HEXIM2: variants seen among roughly 807,000 people sequenced by gnomAD.
HEXIM2 encodes the protein protein HEXIM2.
For missense variants in HEXIM2, 413 were observed against 390.8 expected (o/e 1.06, Z -0.48); for synonymous variants, 159 against 162.7 (o/e 0.98, Z 0.17).
intron 3 of HEXIM2, among the ~76,000 whole-genome samples, chr17:45,166,542 T>C (rs1341662765): frequency 6.6e-6 from 1 of 152,186 alleles, no homozygotes; most frequent in Non-Finnish European, 1.5e-5. Flanking sequence ...AGTGGTGACT[T>C]GGACAGACAG....
Position 45,163,804 on chromosome 17 carries a change from A to C in HEXIM2, c.66+945A>C, listed in dbSNP as rs550106021. 1.1e-4 allele frequency among the ~76,000 whole-genome samples: 16 copies of C among 151,892 alleles called. No homozygotes were observed. In the South Asian group the frequency reaches 3.3e-3, roughly 32 times the overall value. ...GCAGAGGTTGCAGTGAGCTGAGATC[A>C]CACCACTGCACTTTAGCCTGGGCGA... is the stretch of plus-strand genomic sequence containing the variant. On this transcript the variant is annotated intron_variant, in intron 3 of 3. Transcript: ENST00000589230.
chr17:45,164,352 G>A (rs954277458), intron 3 of HEXIM2, among the ~76,000 whole-genome samples: 2 of 152,218 alleles, frequency 1.3e-5, no homozygotes, highest in African/African-American at 4.8e-5. Context: ...CTAGTTGGGA[G>A]GCTGAGGCAG....
Position 45,161,910 on chromosome 17 carries a change from T to G in HEXIM2, c.-314T>G. 1.0e-6 allele frequency: 1 copy of G among 985,570 alleles called. No individual in the cohort carries two copies. Among genetic ancestry groups the G allele is most frequent in the Non-Finnish European group, 1.2e-6 (1 of 830,062 alleles). The allele number at this position is 985,570 out of a possible 1,614,324, so 61.1% of individuals were successfully genotyped here. On this transcript the variant is annotated 5_prime_UTR_variant, in exon 1 of 4. Transcript: ENST00000589230. ...CCCCATCTTAGTGGCCTGAGCGGCT[T>G]GACCAGAGCTGCTGCAACTGCAGCA...
At position 45,169,387 on chromosome 17, in the gene HEXIM2, C is replaced by T. The variant is rs764558003; in HGVS notation, c.439C>T (p.Leu147=). 1.2e-6 allele frequency: 2 copies of T among 1,613,984 alleles called. No individual in the cohort carries two copies. The highest frequency in any genetic ancestry group is 2.2e-5 in the East Asian group (1 of 44,868). The change falls in exon 4 of 4, where the codon CTG becomes TTG. Residue 147 remains leucine, a synonymous_variant. Coordinates refer to ENST00000589230, the MANE Select transcript of HEXIM2 (RefSeq NM_001303441.2). ...GGCCCCCTACAACACCACCCAGTTC[C>T]TGATGAATGACAGGGACCCGGAGGA... ...PVAPYNTTQF[L]MNDRDPEEPN...
At chr17:45,161,502 G>GAT, upstream of HEXIM2, 4 of 160,378 alleles carry the variant, frequency 2.5e-5, no homozygotes, top group Admixed American at 1.2e-4. Flanking sequence ...AGCCCAAAAT[G>GAT]GCGGCGATGG....
chr17:45,164,451 T>A (rs928955141), intron 3 of HEXIM2, among the ~76,000 whole-genome samples: 1 of 150,530 alleles, frequency 6.6e-6, no homozygotes, highest in African/African-American at 2.5e-5. Context: ...CGAGACTCCG[T>A]CTCAAAAAAA....
In HEXIM2 at chr17:45,162,811, CCAGA is replaced by C. The variant is rs771809889; in HGVS notation, c.20_23del (p.Gln7ProfsTer38). 21 of 1,613,810 alleles carry C rather than the reference CCAGA, an allele frequency of 1.3e-5. No individual in the cohort carries two copies. Among genetic ancestry groups the C allele is most frequent in the Non-Finnish European group, 1.8e-5 (21 of 1,180,010 alleles). ...AACAGAAGATGATGGCCACTCCGAA[CCAGA>C]CCGCCTGTAATGCAGAGTCACCAGT... On this transcript the variant is annotated frameshift_variant, in exon 3 of 4. Transcript: ENST00000589230. LOFTEE classifies it low-confidence loss of function (END_TRUNC).
intron 3 of HEXIM2, among the ~76,000 whole-genome samples, chr17:45,165,277 C>T (rs1281065710): frequency 6.6e-6 from 1 of 152,116 alleles, no homozygotes; most frequent in Non-Finnish European, 1.5e-5. Context: ...CGTACACACC[C>T]CACACACATA....
In HEXIM2 at chr17:45,169,620, G is replaced by A. The variant is rs1436990227; in HGVS notation, c.672G>A (p.Leu224=). The A allele has an allele frequency of 3.3e-6, 5 of 1,536,722 alleles. No individual in the cohort carries two copies. The highest frequency in any genetic ancestry group is 1.4e-5 in the African/African-American group (1 of 72,422). The change falls in exon 4 of 4, where the codon CTG becomes CTA. Residue 224 remains leucine (L), a synonymous_variant. Coordinates refer to ENST00000589230, the MANE Select transcript of HEXIM2 (RefSeq NM_001303441.2). The part of the protein sequence containing the change: ...VRDYLELEKR[L]SQAEEETRRL... ...ACTACCTGGAGCTGGAGAAGCGGCT[G>A]TCGCAGGCGGAGGAGGAGACTAGGA...
At chr17:45,160,777 A>C, upstream of HEXIM2, 1 of 525,950 alleles carries the variant, frequency 1.9e-6, no homozygotes, top group East Asian at 6.9e-5. Context: ...AATGGGAGAG[A>C]TCTTGAGGGC....
upstream of HEXIM2, chr17:45,160,830 C>A: frequency 3.8e-6 from 4 of 1,060,730 alleles, no homozygotes; most frequent in Non-Finnish European, 5.1e-6. Flanking sequence ...GTGAAGGTTT[C>A]CAAGTGCCCC....
intron 1 of HEXIM2, among the ~76,000 whole-genome samples, 181 bp downstream of exon 1, chr17:45,162,212 T>A (rs151238299): frequency 1.3e-3 from 204 of 152,262 alleles, no homozygotes; most frequent in African/African-American, 4.7e-3. Context: ...AGAGGAAAAG[T>A]CCTCAGCACT....
chr17:45,162,644 G>A lies in HEXIM2; in HGVS notation c.-45+9G>A. The A allele has an allele frequency of 6.6e-7, 1 of 1,524,292 alleles. No homozygotes were observed. The highest frequency in any genetic ancestry group is 8.8e-7 in the Non-Finnish European group (1 of 1,141,644). 94.4% of individuals were successfully genotyped at this position (1,524,292 alleles called of 1,614,324 possible). On this transcript the variant is annotated intron_variant, in intron 2 of 3. Coordinates refer to ENST00000589230, the MANE Select transcript of HEXIM2 (RefSeq NM_001303441.2). ...TGCATTTGAGAATAAGGGTATGAAG[G>A]GCTGGGGTACAAAATGGCTGCCACT... is the stretch of plus-strand genomic sequence containing the variant.
upstream of HEXIM2, chr17:45,161,130 A>C: frequency 2.4e-6 from 1 of 420,106 alleles, no homozygotes; most frequent in Non-Finnish European, 4.6e-6. Context: ...CCCAGGCCGA[A>C]TGGGGGTGGG....
intron 3 of HEXIM2, 42 bp from the exon 4 acceptor site, chr17:45,168,973 C>T: frequency 6.5e-7 from 1 of 1,539,488 alleles, no homozygotes; most frequent in Non-Finnish European, 8.8e-7. Flanking sequence ...CCTCCAAGGA[C>T]AGGCTGTCTG....
chr17:45,166,471 A>G (rs2042845477), intron 3 of HEXIM2, among the ~76,000 whole-genome samples: 1 of 152,140 alleles, frequency 6.6e-6, no homozygotes, highest in Non-Finnish European at 1.5e-5. Flanking sequence ...CTATCCTATA[A>G]TCTTTAGTCC....
chr17:45,161,090 A>C (rs1413496746), upstream of HEXIM2: 1 of 560,906 alleles, frequency 1.8e-6, no homozygotes, highest in African/African-American at 1.9e-5. Flanking sequence ...TCGAAGTGGG[A>C]GTCCCTCTGT....
chr17:45,160,353 GT>G (rs1860725600), upstream of HEXIM2, among the ~76,000 whole-genome samples: 1 of 152,144 alleles, frequency 6.6e-6, no homozygotes, highest in South Asian at 2.1e-4. Flanking sequence ...AAAAATTGAG[GT>G]TACCTAGTAA....
intron 3 of HEXIM2, among the ~76,000 whole-genome samples, chr17:45,167,644 C>T (rs1033757113): frequency 1.3e-5 from 2 of 149,078 alleles, no homozygotes; most frequent in African/African-American, 2.4e-5. Context: ...TTGTTTGTTT[C>T]GAGATGGAGT....
Sources: gnomAD v4.1 joint callset for allele counts (sites outside exome capture counted in the v4.1 genomes callset) on GRCh38, gnomAD v4.1.1 for gene constraint, MANE v1.5 for transcripts, NCBI Gene and HGNC (gene_info 2026-07-23, HGNC 2026-07-21) for gene names.